The following ZNF608 variants were observed in gnomAD, a reference collection of about 807,000 sequenced individuals.
The protein encoded by ZNF608 is zinc finger protein 608.
Under a neutral mutation model 109.0 loss-of-function variants are expected in ZNF608, and 12 were observed. The observed-to-expected ratio is 0.11, with a 90% confidence interval of 0.07 to 0.18. The LOEUF (loss-of-function observed/expected upper bound fraction) is 0.18. Ranked by LOEUF, ZNF608 falls within the 10% of genes least tolerant of loss-of-function variation. The pLI is 1.00. For synonymous variants in ZNF608, 732 were observed against 717.4 expected (o/e 1.02, Z -0.33); for missense variants, 1,707 against 1,879.3 (o/e 0.91, Z 1.70).
intron 2 of ZNF608, among the ~76,000 whole-genome samples, chr5:124,711,347 C>T (rs76395007): frequency 0.036 from 5,430 of 152,338 alleles, 207 homozygotes; most frequent in East Asian, 0.16. Context: ...GCCTTCTATG[C>T]TGCTTAAATT....
chr5:124,732,609 A>T (rs1462886661), intron 2 of ZNF608, among the ~76,000 whole-genome samples: 1 of 151,786 alleles, frequency 6.6e-6, no homozygotes, highest in East Asian at 1.9e-4. Context: ...CCCCTCCAAA[A>T]CTGCTGTACC....
At chr5:124,747,432 G>A (rs2149912903), upstream of ZNF608, among the ~76,000 whole-genome samples, 1 of 151,962 alleles carries the variant, frequency 6.6e-6, no homozygotes, top group South Asian at 2.1e-4. Flanking sequence ...GGGGATGGGC[G>A]AGTTAGTAAC....
intron 3 of ZNF608, among the ~76,000 whole-genome samples, chr5:124,668,644 C>CAGTT (rs1751584360): frequency 6.6e-6 from 1 of 152,136 alleles, no homozygotes; most frequent in Admixed American, 6.5e-5. Context: ...ATCAGGACAC[C>CAGTT]AGTTGCCTGG....
chr5:124,649,483 A>G (rs1040135049), intron 4 of ZNF608, 127 bp downstream of exon 4: 10 of 700,126 alleles, frequency 1.4e-5, no homozygotes, highest in Non-Finnish European at 2.3e-5. Flanking sequence ...GTTCAATCCT[A>G]AATTGCTCAT....
chr5:124,718,372 C>T (rs1753785848), intron 2 of ZNF608, among the ~76,000 whole-genome samples: 1 of 152,182 alleles, frequency 6.6e-6, no homozygotes. Context: ...CATGAAATGC[C>T]TCTGGCACTT....
chr5:124,646,184 A>AC (rs893895661), intron 5 of ZNF608, among the ~76,000 whole-genome samples: 5 of 151,736 alleles, frequency 3.3e-5, no homozygotes, highest in Non-Finnish European at 7.4e-5. Flanking sequence ...ACACGGTGAA[A>AC]CCCCATCTCT....
At chr5:124,649,558 T>G in intron 4 of ZNF608, 52 bp downstream of exon 4, 1 of 1,403,306 alleles carries the variant, frequency 7.1e-7, no homozygotes, top group Non-Finnish European at 1.0e-6. Flanking sequence ...CTCTACAGTT[T>G]CCCTGCAAAG....
intron 8 of ZNF608, among the ~76,000 whole-genome samples, 157 bp from the exon 9 acceptor site, chr5:124,639,371 T>C: frequency 6.6e-6 from 1 of 152,216 alleles, no homozygotes; most frequent in East Asian, 1.9e-4. Flanking sequence ...GTACAAACCA[T>C]TTGGTCTATC....
chr5:124,695,406 T>C (rs1752806655), intron 3 of ZNF608, among the ~76,000 whole-genome samples: 1 of 152,206 alleles, frequency 6.6e-6, no homozygotes, highest in Non-Finnish European at 1.5e-5. Flanking sequence ...TGGCAAGTAA[T>C]ACTGCAGAAT....
chr5:124,639,400 G>A (rs180808621), intron 8 of ZNF608, among the ~76,000 whole-genome samples, 186 bp from the exon 9 acceptor site: 2 of 152,316 alleles, frequency 1.3e-5, no homozygotes, highest in Admixed American at 1.3e-4. Context: ...ATCCTTTCTT[G>A]AATACTCTGC....
intron 3 of ZNF608, among the ~76,000 whole-genome samples, chr5:124,681,114 C>T (rs938650348): frequency 6.6e-6 from 1 of 152,132 alleles, no homozygotes; most frequent in African/African-American, 2.4e-5. Flanking sequence ...AACTGCAGGA[C>T]TTGAGTTTTC....
chr5:124,684,984 TA>T (rs1205210674), intron 3 of ZNF608, among the ~76,000 whole-genome samples: 2 of 152,236 alleles, frequency 1.3e-5, no homozygotes, highest in African/African-American at 4.8e-5. Context: ...AGCAAAATAT[TA>T]CAGATGCTTC....
chr5:124,733,271 C>A, intron 2 of ZNF608, among the ~76,000 whole-genome samples: 1 of 119,330 alleles, frequency 8.4e-6, no homozygotes. Context: ...CCAAAGACTT[C>A]TAGGTTCTTC....
chr5:124,744,670 T>C lies in ZNF608; in HGVS notation c.320A>G (p.Lys107Arg). The C allele has an allele frequency of 3.7e-6, 6 of 1,614,176 alleles. No homozygotes were observed. The highest frequency in any genetic ancestry group is 5.1e-6 in the Non-Finnish European group (6 of 1,180,026). The stretch of plus-strand genomic sequence containing the variant: ...AGCATCCTTAGAAGTTTTACTCCTT[T>C]TCACTTTTGATTTGCTGGTCTCTTT... The part of the protein sequence containing the change: ...SHKETSKSKV[K>R]RSKTSKDANK... Residue 107 changes from lysine (K) to arginine (R), a missense_variant, in exon 2 of 10, where the codon AAA becomes AGA. By Grantham distance (26) the Lys-to-Arg change is conservative. Around this residue, in one of 7 missense-constraint regions of ZNF608, gnomAD observed 407 missense variants for 398.7 expected, o/e 1.02. Transcript: ENST00000513986. The surrounding 1 kb of genome is among the most constrained non-coding windows in gnomAD (Gnocchi z 4.5).
chr5:124,649,904 G>A (rs1283155258), intron 3 of ZNF608, among the ~76,000 whole-genome samples: 3 of 152,202 alleles, frequency 2.0e-5, no homozygotes, highest in Non-Finnish European at 4.4e-5. Context: ...GCATTCGTGC[G>A]CGTGCGCATG....
intron 2 of ZNF608, among the ~76,000 whole-genome samples, chr5:124,712,669 C>T (rs1381790913): frequency 2.0e-5 from 3 of 152,228 alleles, no homozygotes; most frequent in South Asian, 4.1e-4. Flanking sequence ...ACAGTGCCCA[C>T]CCACCCTGTG....
intron 3 of ZNF608, among the ~76,000 whole-genome samples, chr5:124,673,566 CTT>C (rs143413927): frequency 2.1e-4 from 32 of 151,348 alleles, no homozygotes; most frequent in African/African-American, 7.3e-4. Flanking sequence ...AGCTTTTCAT[CTT>C]TTTTTTTGTT....
chr5:124,639,257 A>G (rs1335352719), intron 8 of ZNF608, 43 bp from the exon 9 acceptor site: 2 of 1,576,442 alleles, frequency 1.3e-6, no homozygotes, highest in African/African-American at 2.7e-5. Flanking sequence ...CTTTAGAAGG[A>G]TAAGAGTAGA....
intron 2 of ZNF608, among the ~76,000 whole-genome samples, chr5:124,740,403 G>A (rs553968228): frequency 5.9e-5 from 9 of 151,642 alleles, no homozygotes; most frequent in Non-Finnish European, 8.8e-5. Flanking sequence ...TTTGCTGTCC[G>A]ACAACAATGG....
Sources: gnomAD v4.1 joint callset for allele counts (sites outside exome capture counted in the v4.1 genomes callset) on GRCh38, gnomAD v4.1.1 for gene constraint, gnomAD v4.1.1 regional missense constraint, Gnocchi (gnomAD v3.1) non-coding constraint, MANE v1.5 for transcripts, NCBI Gene and HGNC (gene_info 2026-07-23, HGNC 2026-07-21) for gene names.